The following DYNC2H1 variants were observed in gnomAD, a reference collection of about 807,000 sequenced individuals.
The protein encoded by DYNC2H1 is cytoplasmic dynein 2 heavy chain 1.
Under a neutral mutation model 570.0 loss-of-function variants are expected in DYNC2H1, and 410 were observed. The ratio of observed to expected loss-of-function variants is 0.72; its 90% CI spans 0.66 to 0.78. The LOEUF is 0.78. Ranked by LOEUF, DYNC2H1 falls within the 30% of genes least tolerant of loss-of-function variation. The pLI is 0.00. For synonymous variants in DYNC2H1, 1,688 were observed against 1,677.6 expected (o/e 1.01, Z -0.15); for missense variants, 4,865 against 5,046.4 (o/e 0.96, Z 1.09).
chr11:103,366,586 C>T (rs935213811), intron 83 of DYNC2H1, among the ~76,000 whole-genome samples: 184 of 152,122 alleles, frequency 1.2e-3, no homozygotes, highest in African/African-American at 4.2e-3. Context: ...AGTTTAATGA[C>T]GTAAAGCATG....
intron 83 of DYNC2H1, among the ~76,000 whole-genome samples, chr11:103,385,429 T>G (rs1941831835): frequency 6.6e-6 from 1 of 152,124 alleles, no homozygotes; most frequent in Non-Finnish European, 1.5e-5. Flanking sequence ...TTTTTTCAGC[T>G]GAATCTGATC....
chr11:103,468,666 G>A lies in DYNC2H1; in HGVS notation c.12726G>A (p.Val4242=). 1 of 1,613,640 alleles carries A rather than the reference G, an allele frequency of 6.2e-7. No individual in the cohort carries two copies. The highest frequency in any genetic ancestry group is 1.1e-5 in the South Asian group (1 of 91,032). Residue 4242 remains valine (V), a synonymous_variant, in exon 88 of 89, where the codon GTG becomes GTA. Coordinates refer to ENST00000375735, the MANE Select transcript of DYNC2H1 (RefSeq NM_001377.3). ...LSENQLDSPS[V]SSVLPCFMGW... Reference sequence around the variant, plus strand: ...AAAATCAGCTTGATTCTCCCAGCGTGTCATCAGTGCTCCCTTGTTTTATGG... The same window carrying A: ...AAAATCAGCTTGATTCTCCCAGCGTATCATCAGTGCTCCCTTGTTTTATGG...
chr11:103,324,740 T>C lies in DYNC2H1; in HGVS notation c.12039+750T>C, dbSNP rs1938382675. Among the ~76,000 whole-genome samples the C allele has an allele frequency of 6.6e-6, 1 of 152,178 alleles. No individual in the cohort carries two copies. The highest frequency in any genetic ancestry group is 1.5e-5 in the Non-Finnish European group (1 of 68,026). On this transcript the variant is annotated intron_variant, in intron 82 of 88. Transcript: ENST00000375735. The surrounding 1 kb of genome is among the most constrained non-coding windows in gnomAD (Gnocchi z 5.2). ...TGAGTATATACCCAATAATGGGATTTCTGGGTCAAATGGTAGTTCTGTTTT... is the reference window on the plus strand; with the variant it reads ...TGAGTATATACCCAATAATGGGATTCCTGGGTCAAATGGTAGTTCTGTTTT...
intron 84 of DYNC2H1, among the ~76,000 whole-genome samples, chr11:103,411,538 TG>T (rs1334913761): frequency 1.3e-5 from 2 of 151,296 alleles, no homozygotes; most frequent in African/African-American, 4.9e-5. Context: ...CATAAACACT[TG>T]AAAAAAAAAG....
In DYNC2H1 at chr11:103,204,976, A is replaced by C; in HGVS notation, c.8454+12A>C. On this transcript the variant is annotated intron_variant, in intron 52 of 88. Coordinates refer to ENST00000375735, the MANE Select transcript of DYNC2H1 (RefSeq NM_001377.3). The surrounding 1 kb of genome is among the most constrained non-coding windows in gnomAD (Gnocchi z 4.1). ...GCAGTATGAAGAAAGTAAGTTTAAC[A>C]AATATTAAAAAATTTAAAAGCACAT... 1 of 1,538,484 alleles carries C rather than the reference A, an allele frequency of 6.5e-7. No individual in the cohort carries two copies. Among genetic ancestry groups the C allele is most frequent in the Non-Finnish European group, 8.7e-7 (1 of 1,144,470 alleles).
chr11:103,155,268 G>A, intron 24 of DYNC2H1, 63 bp from the exon 25 acceptor site: 2 of 1,439,524 alleles, frequency 1.4e-6, no homozygotes, highest in Middle Eastern at 2.3e-4. Context: ...ATACTAATTT[G>A]CATTTTGCTA....
Position 103,304,527 on chromosome 11 carries a change from C to G in DYNC2H1, c.11257-68C>G, listed in dbSNP as rs1055142412. On this transcript the variant is annotated intron_variant, in intron 76 of 88. Transcript: ENST00000375735. ...TTTAGGGATTACTATTATTGAATCT[C>G]ATACTGTTATATTACAACATGTTAG... is the stretch of plus-strand genomic sequence containing the variant. The G allele has an allele frequency of 1.2e-5, 18 of 1,513,646 alleles. No homozygotes were observed. In the African/African-American group the frequency reaches 1.8e-4, roughly 15 times the overall value. The allele number at this position is 1,513,646 out of a possible 1,614,324, so 93.8% of individuals were successfully genotyped here.
At chr11:103,111,506 T>TTTC (rs1218043272) in intron 1 of DYNC2H1, among the ~76,000 whole-genome samples, 1 of 152,228 alleles carries the variant, frequency 6.6e-6, no homozygotes, top group East Asian at 1.9e-4. Context: ...AGCCCCCTGC[T>TTTC]TTCTGCCTTT....
In DYNC2H1 at chr11:103,310,893, G is replaced by T. The variant is rs1453345346; in HGVS notation, c.11494-985G>T. On this transcript the variant is annotated intron_variant, in intron 78 of 88. Coordinates refer to ENST00000375735, the MANE Select transcript of DYNC2H1 (RefSeq NM_001377.3). ...ATTTTTTGTATTTTTAGTAGAGGCG[G>T]GTTTCACCATGTTGGCCAGGCTGGT... Among the ~76,000 whole-genome samples the T allele has an allele frequency of 5.3e-5, 8 of 151,438 alleles. No individual in the cohort carries two copies. The South Asian group carries it at 1.7e-3, about 32-fold the overall frequency.
intron 81 of DYNC2H1, among the ~76,000 whole-genome samples, chr11:103,321,886 T>A (rs1259702199): frequency 6.6e-6 from 1 of 152,180 alleles, no homozygotes; most frequent in Non-Finnish European, 1.5e-5. Context: ...TAGAGTACTA[T>A]AATTATACAT....
At chr11:103,192,023 C>T in intron 46 of DYNC2H1, 74 bp from the exon 47 acceptor site, 1 of 1,232,554 alleles carries the variant, frequency 8.1e-7, no homozygotes, top group Non-Finnish European at 1.1e-6. Context: ...CCTGCTATTT[C>T]TTTCTAATTT....
At chr11:103,436,484 G>A (rs1452317005) in intron 85 of DYNC2H1, among the ~76,000 whole-genome samples, 2 of 151,954 alleles carry the variant, frequency 1.3e-5, no homozygotes, top group Non-Finnish European at 2.9e-5. Flanking sequence ...TTAAGGAATA[G>A]TAAACATGAT....
At chr11:103,404,091 T>C (rs1942761596) in intron 84 of DYNC2H1, 3 of 151,894 alleles carry the variant, frequency 2.0e-5, no homozygotes, top group South Asian at 2.1e-4. Flanking sequence ...TATAAGAGTA[T>C]GGTCATGGAA....
In DYNC2H1 at chr11:103,211,803, C is replaced by A. The variant is rs184949647; in HGVS notation, c.8554C>A (p.Leu2852Ile). 6 of 1,368,232 alleles carry A rather than the reference C, an allele frequency of 4.4e-6. No individual in the cohort carries two copies. In the African/African-American group the frequency reaches 7.4e-5, roughly 17 times the overall value. 84.8% of individuals were successfully genotyped at this position (1,368,232 alleles called of 1,614,324 possible). A position where few individuals can be genotyped will look rare whatever the true frequency, so the allele number is the denominator to read the frequency against. The change falls in exon 54 of 89, where the codon CTA becomes ATA. Residue 2852 changes from leucine to isoleucine, a missense_variant. Physicochemically the swap from Leu to Ile is conservative, Grantham distance 5. Around this residue, in one of 5 missense-constraint regions of DYNC2H1, gnomAD observed 2,401 missense variants for 2,454.6 expected, o/e 0.98. Coordinates refer to ENST00000375735, the MANE Select transcript of DYNC2H1 (RefSeq NM_001377.3). ...KKKNSVDPDF[L>I]KSFLLIHESC... is the part of the protein sequence containing the mutation. ...TTTTTTTCTAGTTGATCCTGATTTTCTAAAATCATTTTTATTAATCCATGA... is the reference window on the plus strand; with the variant it reads ...TTTTTTTCTAGTTGATCCTGATTTTATAAAATCATTTTTATTAATCCATGA...
chr11:103,455,538 TCA>T (rs1364652526), intron 86 of DYNC2H1, among the ~76,000 whole-genome samples: 1 of 152,200 alleles, frequency 6.6e-6, no homozygotes, highest in Non-Finnish European at 1.5e-5. Context: ...ATAATTTTGA[TCA>T]TTTATCTATA....
intron 87 of DYNC2H1, among the ~76,000 whole-genome samples, chr11:103,459,510 A>G (rs1050107639): frequency 6.6e-6 from 1 of 152,024 alleles, no homozygotes; most frequent in African/African-American, 2.4e-5. Context: ...ACCCTTTCTG[A>G]AGGGTTGAGC....
At chr11:103,138,419 T>G (rs1216802743) in intron 17 of DYNC2H1, among the ~76,000 whole-genome samples, 1 of 152,240 alleles carries the variant, frequency 6.6e-6, no homozygotes, top group Non-Finnish European at 1.5e-5. Flanking sequence ...GTTTTTAGCA[T>G]GAAGCATTGT....
At chr11:103,219,484 C>T (rs1467582049) in intron 55 of DYNC2H1, among the ~76,000 whole-genome samples, 2 of 152,044 alleles carry the variant, frequency 1.3e-5, no homozygotes, top group South Asian at 2.1e-4. Context: ...TGGTGGTGGG[C>T]ACCTGTAATC....
At chr11:103,416,523 G>A (rs1372030302) in intron 84 of DYNC2H1, among the ~76,000 whole-genome samples, 1 of 152,136 alleles carries the variant, frequency 6.6e-6, no homozygotes, top group Non-Finnish European at 1.5e-5. Context: ...ACAACCATCT[G>A]ATGTTTGACA....
Sources: allele counts gnomAD v4.1 joint callset (sites outside exome capture counted in the v4.1 genomes callset), GRCh38; gene constraint gnomAD v4.1.1; regional missense constraint gnomAD v4.1.1; non-coding constraint Gnocchi (gnomAD v3.1); transcripts MANE v1.5; gene names NCBI Gene and HGNC (gene_info 2026-07-23, HGNC 2026-07-21).